The following ELOVL7 variants were observed in gnomAD, a reference collection of about 807,000 sequenced individuals.
ELOVL7 encodes ELOVL fatty acid elongase 7.
A neutral mutation model predicts 35.7 loss-of-function variants in ELOVL7; 27 were observed. The observed-to-expected ratio is 0.76, with a 90% CI of 0.56 to 1.04. The LOEUF is 1.04. Ranked by LOEUF, ELOVL7 falls within the 50% of genes least tolerant of loss-of-function variation. The pLI, the probability that ELOVL7 is intolerant of heterozygous loss-of-function variation, is 0.00. For synonymous variants in ELOVL7, 113 were observed against 114.6 expected, an observed-to-expected ratio of 0.99 and a Z score of 0.09; for missense variants, 327 against 340.8, an observed-to-expected ratio of 0.96 and a Z score of 0.32.
chr5:60,827,650 C>A (rs1746246779), intron 1 of ELOVL7, among the ~76,000 whole-genome samples: 1 of 152,104 alleles, frequency 6.6e-6, no homozygotes, highest in African/African-American at 2.4e-5. Context: ...AATTTCTAGA[C>A]CTTTAAATGC....
chr5:60,756,506 G>T (rs2112117742), intron 8 of ELOVL7, among the ~76,000 whole-genome samples: 1 of 152,200 alleles, frequency 6.6e-6, no homozygotes, highest in South Asian at 2.1e-4. Context: ...GTATTTCAAA[G>T]TATGAATTAA....
chr5:60,832,240 C>T (rs1275963943), intron 1 of ELOVL7, among the ~76,000 whole-genome samples: 1 of 152,224 alleles, frequency 6.6e-6, no homozygotes, highest in African/African-American at 2.4e-5. Context: ...GCACACACAA[C>T]AGGCAGTGTT....
intron 1 of ELOVL7, among the ~76,000 whole-genome samples, chr5:60,814,815 C>A (rs1385433235): frequency 6.6e-6 from 1 of 152,168 alleles, no homozygotes; most frequent in Non-Finnish European, 1.5e-5. Context: ...AAATGAATTT[C>A]ATCAATCAAC....
chr5:60,792,448 A>G (rs900307809), intron 2 of ELOVL7, among the ~76,000 whole-genome samples: 1 of 152,210 alleles, frequency 6.6e-6, no homozygotes, highest in Non-Finnish European at 1.5e-5. Context: ...CTGGTTTAGA[A>G]AACTGTTAAC....
chr5:60,821,025 G>C (rs986917589), intron 1 of ELOVL7, among the ~76,000 whole-genome samples: 2 of 152,136 alleles, frequency 1.3e-5, no homozygotes, highest in African/African-American at 2.4e-5. Flanking sequence ...GTAAATTTGA[G>C]TAATAATTAT....
rs188843751 is a variant in ELOVL7, at chr5:60,783,642, C to A, written c.64+3692G>T. On this transcript the variant is annotated intron_variant, in intron 3 of 8. Coordinates refer to ENST00000508821, the MANE Select transcript of ELOVL7 (RefSeq NM_024930.3). ...GCTCTATTTCAAAACACTGCACCCA[C>A]AGCTACTTGGTTCCTAAGCTCAAAT... Among the ~76,000 whole-genome samples the A allele has an allele frequency of 2.6e-3, 392 of 152,312 alleles. 2 individuals carry two copies. The highest frequency in any genetic ancestry group is 9.1e-3 in the African/African-American group (380 of 41,568).
At chr5:60,758,533 T>C (rs911246624) in intron 7 of ELOVL7, among the ~76,000 whole-genome samples, 4 of 152,214 alleles carry the variant, frequency 2.6e-5, no homozygotes, top group Admixed American at 6.6e-5. Flanking sequence ...TGTGAAACCA[T>C]CCTTATTTAC....
chr5:60,822,229 A>G (rs897141716), intron 1 of ELOVL7, among the ~76,000 whole-genome samples: 1 of 152,250 alleles, frequency 6.6e-6, no homozygotes, highest in African/African-American at 2.4e-5. Context: ...AAAGGAGTGC[A>G]AATGAGGAAG....
intron 3 of ELOVL7, among the ~76,000 whole-genome samples, chr5:60,773,669 GA>G (rs1188321294): frequency 3.3e-5 from 5 of 152,138 alleles, no homozygotes; most frequent in African/African-American, 1.2e-4. Flanking sequence ...AGCAGGGAAG[GA>G]AGAGATCTTC....
intron 1 of ELOVL7, among the ~76,000 whole-genome samples, chr5:60,804,617 C>T (rs144412277): frequency 5.1e-4 from 78 of 152,286 alleles, no homozygotes; most frequent in Admixed American, 1.3e-3. Context: ...ACCCCAAAGG[C>T]AGTTTAATTC....
At chr5:60,792,584 A>G (rs1352548132) in intron 2 of ELOVL7, among the ~76,000 whole-genome samples, 2 of 152,184 alleles carry the variant, frequency 1.3e-5, no homozygotes, top group African/African-American at 4.8e-5. Context: ...GATAGGAGGC[A>G]AGCCTGGCAT....
chr5:60,810,813 C>T (rs998623425), intron 1 of ELOVL7, among the ~76,000 whole-genome samples: 1 of 152,116 alleles, frequency 6.6e-6, no homozygotes, highest in Admixed American at 6.6e-5. Context: ...GGTGGAAGGG[C>T]TTCTTAAGCA....
intron 4 of ELOVL7, among the ~76,000 whole-genome samples, chr5:60,770,726 T>C (rs1371431703): frequency 2.0e-5 from 3 of 152,040 alleles, no homozygotes; most frequent in African/African-American, 7.3e-5. Flanking sequence ...TTATTTTTAT[T>C]TTTTGAGACA....
chr5:60,829,757 G>A (rs1408741987), intron 1 of ELOVL7, among the ~76,000 whole-genome samples: 1 of 152,188 alleles, frequency 6.6e-6, no homozygotes, highest in African/African-American at 2.4e-5. Flanking sequence ...AAGGGCAGAT[G>A]ATAAACAGGA....
At chr5:60,759,912 GTT>G (rs1227324535) in intron 7 of ELOVL7, among the ~76,000 whole-genome samples, 1 of 152,020 alleles carries the variant, frequency 6.6e-6, no homozygotes, top group Non-Finnish European at 1.5e-5. Flanking sequence ...TCTTGCAATA[GTT>G]TACTGAGAAT....
intron 1 of ELOVL7, among the ~76,000 whole-genome samples, chr5:60,836,908 A>G (rs969317186): frequency 1.3e-5 from 2 of 151,926 alleles, no homozygotes; most frequent in Non-Finnish European, 2.9e-5. Context: ...CTATTGTAAG[A>G]TATCAGAGTC....
chr5:60,795,168 T>C (rs1744172598), intron 2 of ELOVL7, among the ~76,000 whole-genome samples: 2 of 152,072 alleles, frequency 1.3e-5, no homozygotes, highest in South Asian at 4.1e-4. Flanking sequence ...AGTCCAGATG[T>C]GAGTCAGAAT....
intron 1 of ELOVL7, among the ~76,000 whole-genome samples, chr5:60,805,731 C>T (rs1466152472): frequency 2.0e-5 from 3 of 152,176 alleles, no homozygotes; most frequent in African/African-American, 7.2e-5. Context: ...CCAGTCAGGG[C>T]TAGGTGTGCC....
chr5:60,788,792 T>C (rs890786870), intron 2 of ELOVL7, among the ~76,000 whole-genome samples: 6 of 147,356 alleles, frequency 4.1e-5, no homozygotes, highest in African/African-American at 1.2e-4. Context: ...GACTTGGTCT[T>C]AAAAAAAAAA....
Sources: gnomAD v4.1 joint callset for allele counts (sites outside exome capture counted in the v4.1 genomes callset) on GRCh38, gnomAD v4.1.1 for gene constraint, MANE v1.5 for transcripts, NCBI Gene and HGNC (gene_info 2026-07-23, HGNC 2026-07-21) for gene names.